Variants in MACROD2 observed in about 807,000 individuals in gnomAD.
MACROD2 encodes the protein mono-ADP ribosylhydrolase 2, also known as ADP-ribose glycohydrolase MACROD2.
MACROD2 carries 36 observed loss-of-function variants against 70.4 expected under a neutral mutation model. That is an observed-to-expected ratio of 0.51 (90% CI 0.39 to 0.68). The LOEUF (loss-of-function observed/expected upper bound fraction) is 0.68. MACROD2 is among the 30% of genes least tolerant of loss of function. The probability of loss-of-function intolerance (pLI) is 0.00; values close to 1 mark genes in which losing one functional copy is unlikely to be tolerated. For missense variants in MACROD2, 496 were observed against 538.4 expected (o/e 0.92, Z 0.78); for synonymous variants, 172 against 178.8 (o/e 0.96, Z 0.30).
intron 5 of MACROD2, among the ~76,000 whole-genome samples, chr20:15,086,982 A>T (rs2075753675): frequency 1.3e-5 from 2 of 152,142 alleles, no homozygotes; most frequent in Admixed American, 1.3e-4. Context: ...ATCAGTGGAT[A>T]TCCATGATGT....
intron 5 of MACROD2, among the ~76,000 whole-genome samples, chr20:15,092,575 G>C (rs1035034178): frequency 1.3e-5 from 2 of 151,450 alleles, no homozygotes; most frequent in South Asian, 4.1e-4. Flanking sequence ...TAAGATCTTA[G>C]ACTTACTCTT....
Position 14,437,835 on chromosome 20 carries a change from G to A in MACROD2, c.272-55644G>A, listed in dbSNP as rs186600137. Reference sequence around the variant, plus strand: ...GATGTTTTTAAATAAATTCTCTTGTGTATATTTAAGATACAAAACATTATA... The same window carrying A: ...GATGTTTTTAAATAAATTCTCTTGTATATATTTAAGATACAAAACATTATA... On this transcript the variant is annotated intron_variant, in intron 3 of 17. Coordinates refer to ENST00000684519, the MANE Select transcript of MACROD2 (RefSeq NM_001351661.2). Among the ~76,000 whole-genome samples the A allele has an allele frequency of 1.9e-4, 29 of 152,118 alleles. No individual in the cohort carries two copies. In the East Asian group the frequency reaches 4.8e-3, roughly 25 times the overall value.
At chr20:15,862,897 A>G in intron 9 of MACROD2, 71 bp downstream of exon 9, 1 of 1,132,400 alleles carries the variant, frequency 8.8e-7, no homozygotes, top group East Asian at 2.4e-5. Flanking sequence ...TTCTATTCCT[A>G]TTGTTTTTCA....
At chr20:14,788,767 T>G (rs2072407940) in intron 5 of MACROD2, among the ~76,000 whole-genome samples, 1 of 118,232 alleles carries the variant, frequency 8.5e-6, no homozygotes, top group African/African-American at 3.3e-5. Context: ...GGTGGTGTTT[T>G]TTTTTTTTTT....
chr20:15,713,627 G>A (rs1243182527), intron 8 of MACROD2, among the ~76,000 whole-genome samples: 1 of 152,008 alleles, frequency 6.6e-6, no homozygotes. Flanking sequence ...GCACAAGGAG[G>A]ATAGTGCTAA....
intron 8 of MACROD2, among the ~76,000 whole-genome samples, chr20:15,568,535 C>T (rs185528185): frequency 3.9e-5 from 6 of 152,316 alleles, no homozygotes; most frequent in Non-Finnish European, 7.4e-5. Flanking sequence ...CATAGGGCCT[C>T]TAGGGACTTC....
At position 15,770,084 on chromosome 20, in the gene MACROD2, A is replaced by ATTT. The variant is rs1234797549; in HGVS notation, c.646-92659_646-92657dup. 2.2e-3 allele frequency among the ~76,000 whole-genome samples: 278 copies of ATTT among 125,682 alleles called. 11 individuals carry two copies. Among genetic ancestry groups the ATTT allele is most frequent in the African/African-American group, 8.7e-3 (268 of 30,668 alleles). 82.5% of individuals were successfully genotyped at this position (125,682 alleles called of 152,430 possible). A position where few individuals can be genotyped will look rare whatever the true frequency, so the allele number is the denominator to read the frequency against. On this transcript the variant is annotated intron_variant, in intron 8 of 17. Transcript: ENST00000684519. Reference sequence around the variant, plus strand: ...AAATTTATTTTTTTAATTTATTTTAATTTTCTTTTTTTTTTTTTTTTTTTT... The same window carrying ATTT: ...AAATTTATTTTTTTAATTTATTTTAATTTTTTTCTTTTTTTTTTTTTTTTTTTT...
chr20:15,284,381 T>C (rs2077473159), intron 6 of MACROD2, among the ~76,000 whole-genome samples: 2 of 152,242 alleles, frequency 1.3e-5, no homozygotes, highest in Admixed American at 6.5e-5. Flanking sequence ...TTTTTTCTTG[T>C]ATTTTTCCTA....
At chr20:15,053,433 C>T (rs1262079915) in intron 5 of MACROD2, among the ~76,000 whole-genome samples, 3 of 152,084 alleles carry the variant, frequency 2.0e-5, no homozygotes, top group African/African-American at 4.8e-5. Flanking sequence ...GAATTTCTAT[C>T]GTCCTTAAGA....
chr20:14,770,468 A>G (rs990584875), intron 5 of MACROD2, among the ~76,000 whole-genome samples: 1 of 152,056 alleles, frequency 6.6e-6, no homozygotes, highest in African/African-American at 2.4e-5. Context: ...TGTTTGTTCT[A>G]TATGTTTATA....
chr20:15,161,096 C>T (rs537190494), intron 5 of MACROD2, among the ~76,000 whole-genome samples: 1 of 152,022 alleles, frequency 6.6e-6, no homozygotes, highest in East Asian at 1.9e-4. Context: ...TGCCTCATTG[C>T]CATGTGGATT....
chr20:15,020,968 G>A (rs2075162938), intron 5 of MACROD2, among the ~76,000 whole-genome samples: 1 of 145,718 alleles, frequency 6.9e-6, no homozygotes, highest in Non-Finnish European at 1.5e-5. Flanking sequence ...TGTAATGTGT[G>A]TATACATATA....
At chr20:15,940,880 A>G (rs554496037) in intron 12 of MACROD2, among the ~76,000 whole-genome samples, 2 of 152,226 alleles carry the variant, frequency 1.3e-5, no homozygotes, top group African/African-American at 4.8e-5. Context: ...GGACATACCA[A>G]TCATTTAGTT....
At chr20:14,803,252 T>G (rs2072599912) in intron 5 of MACROD2, among the ~76,000 whole-genome samples, 1 of 152,064 alleles carries the variant, frequency 6.6e-6, no homozygotes, top group Non-Finnish European at 1.5e-5. Context: ...CAAAATGAAT[T>G]AATTATCAGC....
intron 8 of MACROD2, among the ~76,000 whole-genome samples, chr20:15,547,931 C>T (rs2048045755): frequency 6.6e-6 from 1 of 152,182 alleles, no homozygotes; most frequent in Admixed American, 6.5e-5. Context: ...TCTCAGTGAA[C>T]TGTGGTTTTA....
At chr20:15,349,063 C>G (rs1015719009) in intron 6 of MACROD2, among the ~76,000 whole-genome samples, 5 of 152,088 alleles carry the variant, frequency 3.3e-5, no homozygotes, top group African/African-American at 7.2e-5. Context: ...AGGACAGAAG[C>G]ATTAGGCTCT....
chr20:14,277,028 A>T (rs1342974680), intron 3 of MACROD2, among the ~76,000 whole-genome samples: 1 of 152,216 alleles, frequency 6.6e-6, no homozygotes, highest in South Asian at 2.1e-4. Flanking sequence ...CAGAAGAGTT[A>T]CAATTGGCTG....
chr20:14,404,775 A>G (rs2083675285), intron 3 of MACROD2, among the ~76,000 whole-genome samples: 1 of 152,148 alleles, frequency 6.6e-6, no homozygotes, highest in Non-Finnish European at 1.5e-5. Context: ...CTTTAAAGTT[A>G]ATATTATTTT....
chr20:14,399,055 T>C (rs1309417315), intron 3 of MACROD2, among the ~76,000 whole-genome samples: 1 of 150,862 alleles, frequency 6.6e-6, no homozygotes, highest in East Asian at 1.9e-4. Flanking sequence ...AGTCTCACTC[T>C]GTTTCCCAGG....
Sources: allele counts gnomAD v4.1 joint callset (sites outside exome capture counted in the v4.1 genomes callset), GRCh38; gene constraint gnomAD v4.1.1; transcripts MANE v1.5; gene names NCBI Gene and HGNC (gene_info 2026-07-23, HGNC 2026-07-21).